Variants in ZNF438 observed in about 807,000 individuals in gnomAD.
The protein encoded by ZNF438 is zinc finger protein 438.
A neutral mutation model predicts 38.0 loss-of-function variants in ZNF438; 25 were observed. That is an observed-to-expected ratio of 0.66 (90% confidence interval 0.48 to 0.92). The LOEUF is 0.92. Among genes scored for constraint, ZNF438 ranks in the 40% least tolerant of loss-of-function variants. The pLI, the probability that ZNF438 is intolerant of heterozygous loss-of-function variation, is 0.00. For synonymous variants in ZNF438, 372 were observed against 364.1 expected (o/e 1.02, Z -0.25); for missense variants, 1,007 against 999.6 (o/e 1.01, Z -0.10).
At chr10:30,847,364 T>C (rs991178243) in intron 5 of ZNF438, among the ~76,000 whole-genome samples, 1 of 152,044 alleles carries the variant, frequency 6.6e-6, no homozygotes, top group Non-Finnish European at 1.5e-5. Flanking sequence ...GGAGCTACCC[T>C]CTCTGCTGAG....
exon 5 of ZNF438, chr10:30,849,447 G>A (rs375790344): frequency 1.2e-6 from 2 of 1,614,146 alleles, no homozygotes; most frequent in African/African-American, 2.7e-5. Context: ...TTAGGTCCTG[G>A]TAAAGAAAAA....
At chr10:30,969,177 C>T (rs974178235) in intron 1 of ZNF438, among the ~76,000 whole-genome samples, 5 of 151,660 alleles carry the variant, frequency 3.3e-5, no homozygotes, top group South Asian at 2.1e-4. Context: ...ATGGAGATGA[C>T]GATGAAAATG....
intron 1 of ZNF438, among the ~76,000 whole-genome samples, chr10:30,989,787 G>A (rs1168511663): frequency 6.6e-6 from 1 of 152,138 alleles, no homozygotes; most frequent in African/African-American, 2.4e-5. Context: ...GAAAACAGAG[G>A]AAAGAGATAC....
At chr10:31,002,114 C>T (rs1025330830) in intron 1 of ZNF438, among the ~76,000 whole-genome samples, 1 of 152,194 alleles carries the variant, frequency 6.6e-6, no homozygotes, top group Admixed American at 6.5e-5. Context: ...ACACATAAGA[C>T]TGAATGGGTC....
intron 1 of ZNF438, among the ~76,000 whole-genome samples, chr10:31,016,024 T>G (rs1038632897): frequency 5.3e-5 from 8 of 152,168 alleles, no homozygotes; most frequent in African/African-American, 1.9e-4. Flanking sequence ...CCTCAACATA[T>G]GAATTTTGGG....
chr10:30,847,851 TCA>T (rs2032613907), intron 5 of ZNF438, among the ~76,000 whole-genome samples: 1 of 152,292 alleles, frequency 6.6e-6, no homozygotes, highest in African/African-American at 2.4e-5. Flanking sequence ...CCACGCTCAC[TCA>T]CACATCCCTC....
At chr10:30,979,908 G>A (rs544666803) in intron 1 of ZNF438, among the ~76,000 whole-genome samples, 29 of 152,298 alleles carry the variant, frequency 1.9e-4, no homozygotes, top group African/African-American at 6.0e-4. Flanking sequence ...GAATGCTAAA[G>A]CTGTAATATT....
intron 3 of ZNF438, among the ~76,000 whole-genome samples, chr10:30,889,814 T>G (rs2040449511): frequency 6.6e-6 from 1 of 152,178 alleles, no homozygotes; most frequent in South Asian, 2.1e-4. Context: ...CCTGGGGAAC[T>G]GAGTGGGGAG....
At chr10:30,903,755 C>G (rs2042294988) in intron 3 of ZNF438, among the ~76,000 whole-genome samples, 1 of 152,144 alleles carries the variant, frequency 6.6e-6, no homozygotes, top group Non-Finnish European at 1.5e-5. Context: ...GACCATGTAA[C>G]CTTCAAGTAT....
intron 1 of ZNF438, among the ~76,000 whole-genome samples, chr10:30,953,619 T>C (rs1247438856): frequency 6.8e-6 from 1 of 146,764 alleles, no homozygotes; most frequent in Non-Finnish European, 1.5e-5. Flanking sequence ...ACATGTACCC[T>C]AAAACTTAAA....
At chr10:30,954,076 G>A (rs151301562) in intron 1 of ZNF438, among the ~76,000 whole-genome samples, 130 of 152,226 alleles carry the variant, frequency 8.5e-4, no homozygotes, top group African/African-American at 3.0e-3. Context: ...CCGGGATGTG[G>A]AGGTTGCATT....
chr10:30,977,850 G>A (rs546885554), intron 1 of ZNF438, among the ~76,000 whole-genome samples: 2 of 152,108 alleles, frequency 1.3e-5, no homozygotes, highest in Admixed American at 6.5e-5. Context: ...GGGCATGGTG[G>A]CGGGCACCTG....
chr10:30,945,865 G>A lies in ZNF438; in HGVS notation c.-191-4214C>T, dbSNP rs548619518. 9.0e-3 allele frequency among the ~76,000 whole-genome samples: 963 copies of A among 106,912 alleles called. 10 individuals carry two copies. Among genetic ancestry groups the A allele is most frequent in the African/African-American group, 0.03 (812 of 26,814 alleles). The allele number at this position is 106,912 out of a possible 152,430, so 70.1% of individuals were successfully genotyped here. On this transcript the variant is annotated intron_variant, in intron 1 of 5. Coordinates refer to ENST00000413025, the Ensembl canonical transcript of ZNF438. ...GTGAATAATGCCACAATAAACATAC[G>A]TGTGCATGTGTCTTTATAGCAGCAT...
At chr10:30,874,498 C>T (rs1426640652) in intron 4 of ZNF438, among the ~76,000 whole-genome samples, 1 of 144,724 alleles carries the variant, frequency 6.9e-6, no homozygotes, top group Non-Finnish European at 1.5e-5. Context: ...ACATCTGATG[C>T]TTTTGTTAAA....
chr10:30,925,134 T>G (rs895926548), intron 2 of ZNF438, among the ~76,000 whole-genome samples: 3 of 152,200 alleles, frequency 2.0e-5, no homozygotes, highest in African/African-American at 7.2e-5. Flanking sequence ...TTGCCAATAA[T>G]GACAGTGTTT....
chr10:30,921,332 T>C (rs1342661838), intron 2 of ZNF438: 1 of 152,208 alleles, frequency 6.6e-6, no homozygotes. Context: ...ATTTTTATAT[T>C]ATTTTAAATT....
At chr10:30,895,674 C>G (rs2041233021) in intron 3 of ZNF438, among the ~76,000 whole-genome samples, 1 of 152,028 alleles carries the variant, frequency 6.6e-6, no homozygotes, top group Non-Finnish European at 1.5e-5. Context: ...CCCAAATAAC[C>G]CAACTTAAAC....
rs572307637 is a variant in ZNF438, at chr10:31,009,777, C to T, written c.-192+22056G>A. On this transcript the variant is annotated intron_variant, in intron 1 of 5. Coordinates refer to ENST00000413025, the Ensembl canonical transcript of ZNF438. ...GCAAAGCATCAAACTTACTTTGTGG[C>T]CTAGGACAACCTTGTTTTTGAGTAC... Among the ~76,000 whole-genome samples, 4 of 152,080 alleles carry T rather than the reference C, an allele frequency of 2.6e-5. No individual in the cohort carries two copies. The South Asian group carries it at 8.3e-4, about 32-fold the overall frequency.
chr10:30,950,939 C>G (rs901671125), intron 1 of ZNF438, among the ~76,000 whole-genome samples: 3 of 132,486 alleles, frequency 2.3e-5, no homozygotes, highest in African/African-American at 8.7e-5. Context: ...GGCAGAGACA[C>G]AACAAAAAAA....
Sources: gnomAD v4.1 joint callset for allele counts (sites outside exome capture counted in the v4.1 genomes callset) on GRCh38, gnomAD v4.1.1 for gene constraint, MANE v1.5 for transcripts, NCBI Gene and HGNC (gene_info 2026-07-23, HGNC 2026-07-21) for gene names.